The following ADGB variants were observed in gnomAD, a reference collection of about 807,000 sequenced individuals.
ADGB encodes calpain-7-like protein.
Under a neutral mutation model 210.5 loss-of-function variants are expected in ADGB, and 172 were observed. The observed-to-expected ratio is 0.82, with a 90% CI of 0.72 to 0.93. The LOEUF is 0.93. Ranked by LOEUF, ADGB falls within the 40% of genes least tolerant of loss-of-function variation. The probability of loss-of-function intolerance (pLI) is 0.00; values close to 1 mark genes in which losing one functional copy is unlikely to be tolerated. For synonymous variants in ADGB, 658 were observed against 662.7 expected, an observed-to-expected ratio of 0.99 and a Z score of 0.11; for missense variants, 2,025 against 1,964.8, an observed-to-expected ratio of 1.03 and a Z score of -0.58.
chr6:146,782,227 A>G, intron 30 of ADGB, 35 bp downstream of exon 30: 1 of 1,465,300 alleles, frequency 6.8e-7, no homozygotes, highest in Non-Finnish European at 9.0e-7. Flanking sequence ...GAGTGACTTA[A>G]TGATTTTAGG....
intron 8 of ADGB, among the ~76,000 whole-genome samples, chr6:146,674,355 G>GT (rs1562271236): frequency 3.9e-5 from 6 of 151,996 alleles, no homozygotes; most frequent in Admixed American, 1.3e-4. Flanking sequence ...AAGGAAAATT[G>GT]GTTTTTTTTT....
At position 146,721,492 on chromosome 6, in the gene ADGB, G is replaced by C. The variant is rs746851355; in HGVS notation, c.2082G>C (p.Trp694Cys). ...TTTGCTTTTCTGCATTGGTACGCTGGGGGGAGTATGGAGGTAAGAGGGCTC... is the reference window on the plus strand; with the variant it reads ...TTTGCTTTTCTGCATTGGTACGCTGCGGGGAGTATGGAGGTAAGAGGGCTC... ...LLVCFSALVR[W>C]GEYGALTKDS... Residue 694 changes from tryptophan (W) to cysteine (C), a missense_variant, in exon 17 of 36, where the codon TGG becomes TGC. Coordinates refer to ENST00000397944, the MANE Select transcript of ADGB (RefSeq NM_024694.4). 9.7e-6 allele frequency: 15 copies of C among 1,545,876 alleles called. No homozygotes were observed. The highest frequency in any genetic ancestry group is 1.1e-5 in the Non-Finnish European group (13 of 1,142,132).
chr6:146,792,388 A>G (rs1249899242), intron 33 of ADGB, among the ~76,000 whole-genome samples: 1 of 152,116 alleles, frequency 6.6e-6, no homozygotes, highest in African/African-American at 2.4e-5. Context: ...GTCACCTTCA[A>G]TTTCTTTCAT....
At chr6:146,809,107 G>C (rs181404073) in intron 35 of ADGB, among the ~76,000 whole-genome samples, 2 of 151,964 alleles carry the variant, frequency 1.3e-5, no homozygotes, top group Admixed American at 6.6e-5. Flanking sequence ...TGCTACTTGA[G>C]ATAATGGGAA....
intron 12 of ADGB, among the ~76,000 whole-genome samples, chr6:146,696,785 G>A (rs1055022952): frequency 1.3e-5 from 2 of 152,076 alleles, no homozygotes; most frequent in Non-Finnish European, 2.9e-5. Flanking sequence ...TAAGAAACTG[G>A]GATATTGCCT....
intron 5 of ADGB, among the ~76,000 whole-genome samples, chr6:146,661,919 A>G (rs2114891198): frequency 6.6e-6 from 1 of 152,172 alleles, no homozygotes; most frequent in Admixed American, 6.6e-5. Context: ...TTTGGTATTT[A>G]GTGTGCCATT....
chr6:146,659,253 G>A (rs1583578252), intron 5 of ADGB, among the ~76,000 whole-genome samples: 1 of 151,984 alleles, frequency 6.6e-6, no homozygotes, highest in South Asian at 2.1e-4. Flanking sequence ...CAAGTATTTG[G>A]GAAACATGTT....
chr6:146,615,848 A>G (rs190485349), intron 1 of ADGB, among the ~76,000 whole-genome samples: 2 of 152,318 alleles, frequency 1.3e-5, no homozygotes, highest in African/African-American at 4.8e-5. Flanking sequence ...TATCTTGGCT[A>G]CTGTGAATAG....
intron 3 of ADGB, among the ~76,000 whole-genome samples, chr6:146,649,403 T>A (rs920482598): frequency 1.3e-5 from 2 of 152,074 alleles, no homozygotes; most frequent in African/African-American, 4.8e-5. Context: ...CACCTTAAAA[T>A]AACTAGCAAA....
intron 33 of ADGB, among the ~76,000 whole-genome samples, chr6:146,792,169 C>T (rs536303880): frequency 1.3e-5 from 2 of 152,090 alleles, no homozygotes; most frequent in African/African-American, 4.8e-5. Flanking sequence ...ATGCCTCCCT[C>T]GTTATTTTTG....
chr6:146,774,781 A>G (rs1452712256), intron 29 of ADGB, among the ~76,000 whole-genome samples: 1 of 152,138 alleles, frequency 6.6e-6, no homozygotes, highest in Non-Finnish European at 1.5e-5. Context: ...ACATAGAAAA[A>G]TTACATATAT....
rs1777468610 is a variant in ADGB, at chr6:146,760,410, A to G, written c.3551-3491A>G. On this transcript the variant is annotated intron_variant, in intron 27 of 35. Transcript: ENST00000397944. ...GCTCAGCATAATGTTTTTAAGTTATATCCATGTTATTGCATATAACACTAT... is the reference window on the plus strand; with the variant it reads ...GCTCAGCATAATGTTTTTAAGTTATGTCCATGTTATTGCATATAACACTAT... Among the ~76,000 whole-genome samples the G allele has an allele frequency of 2.6e-5, 4 of 151,510 alleles. No homozygotes were observed. In the South Asian group the frequency reaches 8.4e-4, roughly 32 times the overall value.
rs549118017 is a variant in ADGB, at chr6:146,656,409, C to T, written c.403-362C>T. Among the ~76,000 whole-genome samples the T allele has an allele frequency of 5.3e-5, 8 of 152,318 alleles. No individual in the cohort carries two copies. The East Asian group carries it at 1.4e-3, about 26-fold the overall frequency. On this transcript the variant is annotated intron_variant, in intron 4 of 35. Coordinates refer to ENST00000397944, the MANE Select transcript of ADGB (RefSeq NM_024694.4). ...ATATCTAACATTTACAAAAGAGTAG[C>T]TTGCTCATTTGTCACAATTTTCAGA...
chr6:146,631,970 A>C lies in ADGB; in HGVS notation c.75-3405A>C, dbSNP rs569869395. Among the ~76,000 whole-genome samples the C allele has an allele frequency of 6.6e-5, 10 of 151,888 alleles. No individual in the cohort carries two copies. The South Asian group carries it at 8.3e-4, about 13-fold the overall frequency. On this transcript the variant is annotated intron_variant, in intron 1 of 35. Coordinates refer to ENST00000397944, the MANE Select transcript of ADGB (RefSeq NM_024694.4). Reference sequence around the variant, plus strand: ...TCCTGCTCATCTCCTCATTAAAAAAAAAAAAAAACAAAAAAAACCTTCACT... The same window carrying C: ...TCCTGCTCATCTCCTCATTAAAAAACAAAAAAAACAAAAAAAACCTTCACT...
chr6:146,649,094 CAG>C, intron 3 of ADGB, among the ~76,000 whole-genome samples: 1 of 150,858 alleles, frequency 6.6e-6, no homozygotes, highest in Non-Finnish European at 1.5e-5. Context: ...TTATTTTTAA[CAG>C]TGTATAATAG....
In ADGB at chr6:146,733,999, C is replaced by A. The variant is rs535266069; in HGVS notation, c.2763C>A (p.Tyr921Ter). 1 of 1,551,442 alleles carries A rather than the reference C, an allele frequency of 6.4e-7. No homozygotes were observed. Among genetic ancestry groups the A allele is most frequent in the South Asian group, 1.2e-5 (1 of 84,040 alleles). The change falls in exon 22 of 36, where the codon TAC becomes TAA. Residue 921 changes from tyrosine to a stop codon, truncating the protein, a stop_gained. Coordinates refer to ENST00000397944, the MANE Select transcript of ADGB (RefSeq NM_024694.4). LOFTEE classifies it high-confidence loss of function. Reference sequence around the variant, plus strand: ...TTCAAGCCATGTGGAGAGGAACTTACGTTAGATTGCTTATGAAAGCCAGAA... The same window carrying A: ...TTCAAGCCATGTGGAGAGGAACTTAAGTTAGATTGCTTATGAAAGCCAGAA... ...IKIQAMWRGT[Y>*]VRLLMKARIP... is the part of the protein sequence containing the mutation.
intron 3 of ADGB, among the ~76,000 whole-genome samples, chr6:146,645,312 C>A (rs1775592064): frequency 6.6e-6 from 1 of 151,956 alleles, no homozygotes; most frequent in South Asian, 2.1e-4. Context: ...TTCCAGAGAA[C>A]ACTTTTATTT....
At chr6:146,709,880 C>A (rs901454667) in intron 13 of ADGB, among the ~76,000 whole-genome samples, 7 of 152,082 alleles carry the variant, frequency 4.6e-5, no homozygotes, top group Admixed American at 1.3e-4. Context: ...GTTGCTATAA[C>A]CTTTCACCAA....
intron 32 of ADGB, among the ~76,000 whole-genome samples, chr6:146,787,160 A>G (rs997808789): frequency 2.6e-5 from 4 of 152,194 alleles, no homozygotes; most frequent in Admixed American, 2.0e-4. Flanking sequence ...AACAGGGCTC[A>G]GAGACCCTGA....
Sources: allele counts gnomAD v4.1 joint callset (sites outside exome capture counted in the v4.1 genomes callset), GRCh38; gene constraint gnomAD v4.1.1; transcripts MANE v1.5; gene names NCBI Gene and HGNC (gene_info 2026-07-23, HGNC 2026-07-21).